The following L3MBTL4 variants were observed in gnomAD, a reference collection of about 807,000 sequenced individuals.
L3MBTL4 encodes the protein lethal(3)malignant brain tumor-like protein 4.
In L3MBTL4, 70 loss-of-function variants were observed where a neutral mutation model predicts 84.5. That is an observed-to-expected ratio of 0.83 (90% CI 0.68 to 1.01). The LOEUF (loss-of-function observed/expected upper bound fraction) is 1.01. Among genes scored for constraint, L3MBTL4 ranks in the 50% least tolerant of loss-of-function variants. The pLI, the probability that L3MBTL4 is intolerant of heterozygous loss-of-function variation, is 0.00. For synonymous variants in L3MBTL4, 274 were observed against 259.8 expected (o/e 1.05, Z -0.52); for missense variants, 715 against 754.8 (o/e 0.95, Z 0.62).
At position 6,019,914 on chromosome 18, in the gene L3MBTL4, T is replaced by C. The variant is rs373076398; in HGVS notation, c.1445-50352A>G. 4.6e-5 allele frequency among the ~76,000 whole-genome samples: 7 copies of C among 152,346 alleles called. No individual in the cohort carries two copies. In the South Asian group the frequency reaches 1.5e-3, roughly 32 times the overall value. On this transcript the variant is annotated intron_variant, in intron 16 of 18. Coordinates refer to ENST00000317931, the MANE Select transcript of L3MBTL4 (RefSeq NM_001330559.2). Reference sequence around the variant, plus strand: ...TTTCTTTCTTTAAAAGTTTGTGTCCTTGAAAACAGGAGGCATGTCCTCTTG... The same window carrying C: ...TTTCTTTCTTTAAAAGTTTGTGTCCCTGAAAACAGGAGGCATGTCCTCTTG...
chr18:6,003,859 T>A (rs1598409754), intron 16 of L3MBTL4, among the ~76,000 whole-genome samples: 1 of 152,200 alleles, frequency 6.6e-6, no homozygotes, highest in East Asian at 1.9e-4. Context: ...TCATAACTTA[T>A]GTGATGAAGC....
chr18:6,154,994 T>C (rs1167551511), intron 13 of L3MBTL4, among the ~76,000 whole-genome samples: 1 of 152,212 alleles, frequency 6.6e-6, no homozygotes, highest in African/African-American at 2.4e-5. Context: ...AAACTGCTCA[T>C]TAAAGTATAA....
chr18:6,396,987 T>C (rs540150909), intron 1 of L3MBTL4: 1 of 152,232 alleles, frequency 6.6e-6, no homozygotes, highest in African/African-American at 2.4e-5. Flanking sequence ...ACGTTTTAAG[T>C]GTAAAAATAG....
intron 16 of L3MBTL4, among the ~76,000 whole-genome samples, chr18:6,062,472 CCTT>C (rs1488403787): frequency 6.6e-6 from 1 of 151,852 alleles, no homozygotes; most frequent in African/African-American, 2.4e-5. Context: ...TGATATTTAT[CCTT>C]CTTGGTATTC....
At chr18:6,194,282 G>A (rs1003314556) in intron 12 of L3MBTL4, among the ~76,000 whole-genome samples, 35 of 152,208 alleles carry the variant, frequency 2.3e-4, no homozygotes, top group African/African-American at 7.2e-4. Context: ...GTGACTCAGC[G>A]AGGGAGTCTG....
At chr18:6,207,120 A>T (rs2045908738) in intron 12 of L3MBTL4, among the ~76,000 whole-genome samples, 1 of 152,210 alleles carries the variant, frequency 6.6e-6, no homozygotes, top group East Asian at 1.9e-4. Flanking sequence ...TTGTTTCATG[A>T]CATGTGAAAA....
Position 6,238,519 on chromosome 18 carries a change from C to T in L3MBTL4, c.708-479G>A, listed in dbSNP as rs936771745. Among the ~76,000 whole-genome samples the T allele has an allele frequency of 3.3e-5, 5 of 151,736 alleles. No individual in the cohort carries two copies. The South Asian group carries it at 6.2e-4, about 19-fold the overall frequency. ...CTGCACTCCAGCCTGGGCAACAGAG[C>T]GAGATTCCATCTCAAAAAAAAAAAG... On this transcript the variant is annotated intron_variant, in intron 9 of 18. Transcript: ENST00000317931.
intron 16 of L3MBTL4, among the ~76,000 whole-genome samples, chr18:6,050,304 G>A (rs541937430): frequency 7.2e-5 from 11 of 152,302 alleles, no homozygotes; most frequent in South Asian, 6.2e-4. Context: ...CCCACACGAT[G>A]TCAGGGAAAC....
intron 4 of L3MBTL4, among the ~76,000 whole-genome samples, chr18:6,285,467 T>G (rs2049528383): frequency 6.7e-6 from 1 of 149,840 alleles, no homozygotes; most frequent in Non-Finnish European, 1.5e-5. Flanking sequence ...GCACCTATAT[T>G]AAAATAGTGC....
At chr18:6,360,302 T>C (rs1399630258) in intron 1 of L3MBTL4, among the ~76,000 whole-genome samples, 1 of 152,158 alleles carries the variant, frequency 6.6e-6, no homozygotes, top group African/African-American at 2.4e-5. Context: ...GCTCAGGAGT[T>C]CTAGGCTGCA....
chr18:6,017,298 A>G (rs775572309), intron 16 of L3MBTL4, among the ~76,000 whole-genome samples: 26 of 149,498 alleles, frequency 1.7e-4, no homozygotes, highest in Non-Finnish European at 2.5e-4. Context: ...CTGATTGGAG[A>G]CACTTCTCAA....
intron 4 of L3MBTL4, among the ~76,000 whole-genome samples, chr18:6,292,676 G>T (rs977524774): frequency 1.3e-5 from 2 of 152,176 alleles, no homozygotes; most frequent in Admixed American, 1.3e-4. Flanking sequence ...TCAAAAGGGG[G>T]AAATGTGAAA....
intron 4 of L3MBTL4, among the ~76,000 whole-genome samples, chr18:6,295,495 T>A (rs1313951337): frequency 5.9e-5 from 9 of 151,936 alleles, no homozygotes; most frequent in African/African-American, 1.7e-4. Flanking sequence ...TAAGCATCTT[T>A]ATTCCCAGCA....
intron 10 of L3MBTL4, among the ~76,000 whole-genome samples, chr18:6,233,986 A>G (rs2047107364): frequency 6.6e-6 from 1 of 152,244 alleles, no homozygotes; most frequent in Non-Finnish European, 1.5e-5. Context: ...CCAGTGGAAC[A>G]GAACAGAGCC....
chr18:6,241,223 A>G, intron 8 of L3MBTL4, 135 bp downstream of exon 8: 2 of 620,218 alleles, frequency 3.2e-6, no homozygotes, highest in South Asian at 4.6e-5. Flanking sequence ...CTGACGAATT[A>G]GGTGAGAAAA....
intron 12 of L3MBTL4, among the ~76,000 whole-genome samples, chr18:6,197,848 C>T (rs1039907369): frequency 2.6e-5 from 4 of 152,212 alleles, no homozygotes; most frequent in Middle Eastern, 3.2e-3. Context: ...CTGCTGCCCT[C>T]GCAAGTATTT....
chr18:6,078,827 A>G lies in L3MBTL4; in HGVS notation c.1444+2054T>C, dbSNP rs541287917. 1.9e-4 allele frequency among the ~76,000 whole-genome samples: 29 copies of G among 152,376 alleles called. 1 individual carries two copies. The South Asian group carries it at 6.0e-3, about 32-fold the overall frequency. On this transcript the variant is annotated intron_variant, in intron 16 of 18. Transcript: ENST00000317931. ...ATAATTATGTAACTCACCATAATGT[A>G]GAATCAGTGGGAGCCCTGAGCTTGT...
intron 1 of L3MBTL4, among the ~76,000 whole-genome samples, chr18:6,401,520 C>T (rs2055510518): frequency 6.6e-6 from 1 of 152,142 alleles, no homozygotes; most frequent in Non-Finnish European, 1.5e-5. Context: ...GGCAAGAAGA[C>T]AGCTTATAGA....
intron 16 of L3MBTL4, among the ~76,000 whole-genome samples, chr18:6,014,908 C>T (rs1252679524): frequency 1.3e-5 from 2 of 151,818 alleles, no homozygotes; most frequent in Admixed American, 6.6e-5. Flanking sequence ...AGGACTGGCC[C>T]TTGTAGAAAT....
Sources: allele counts gnomAD v4.1 joint callset (sites outside exome capture counted in the v4.1 genomes callset), GRCh38; gene constraint gnomAD v4.1.1; transcripts MANE v1.5; gene names NCBI Gene and HGNC (gene_info 2026-07-23, HGNC 2026-07-21).